BCKDHB: variants seen among roughly 807,000 people sequenced by gnomAD.
The protein encoded by BCKDHB is 2-oxoisovalerate dehydrogenase subunit beta, mitochondrial.
A neutral mutation model predicts 48.5 loss-of-function variants in BCKDHB; 41 were observed. The observed-to-expected ratio is 0.85, with a 90% CI of 0.66 to 1.10. The LOEUF is 1.10. Ranked by LOEUF, BCKDHB falls within the 50% of genes least tolerant of loss-of-function variation. The pLI is 0.00. For synonymous variants in BCKDHB, 201 were observed against 174.8 expected, an observed-to-expected ratio of 1.15 and a Z score of -1.18; for missense variants, 496 against 494.2, an observed-to-expected ratio of 1.00 and a Z score of -0.03.
Position 80,168,966 on chromosome 6 carries a change from G to C in BCKDHB, c.569G>C (p.Gly190Ala), listed in dbSNP as rs1330158702. Residue 190 changes from glycine to alanine, a missense_variant, in exon 5 of 10, where the codon GGT becomes GCT. By Grantham distance (60) the Gly-to-Ala change is moderately conservative. Transcript: ENST00000320393. ...ATCCGGTCCCCTTGGGGCTGTGTTGGTCATGGGGCTCTCTATCATTCTCAG... is the reference window on the plus strand; with the variant it reads ...ATCCGGTCCCCTTGGGGCTGTGTTGCTCATGGGGCTCTCTATCATTCTCAG... ...LTIRSPWGCV[G>A]HGALYHSQSP... The C allele has an allele frequency of 6.2e-7, 1 of 1,614,180 alleles. No homozygotes were observed.
chr6:80,317,775 G>A (rs1442437359), intron 9 of BCKDHB, among the ~76,000 whole-genome samples: 2 of 152,132 alleles, frequency 1.3e-5, no homozygotes, highest in East Asian at 3.8e-4. Flanking sequence ...TGACTTGAAG[G>A]AACCTAGCCA....
chr6:80,392,102 C>T, the BCKDHB span, among the ~76,000 whole-genome samples: 1 of 152,088 alleles, frequency 6.6e-6, no homozygotes, highest in Non-Finnish European at 1.5e-5. Flanking sequence ...AAGCAATTAT[C>T]CTGCCTCAGC....
the BCKDHB span, among the ~76,000 whole-genome samples, chr6:80,390,262 G>A: frequency 0.95 from 143,905 of 152,190 alleles, 68,571 homozygotes; most frequent in East Asian, 1. Flanking sequence ...ACAACAGCCC[G>A]ATCCAGGCAG....
At chr6:80,434,386 A>G in the BCKDHB span, among the ~76,000 whole-genome samples, 4 of 151,752 alleles carry the variant, frequency 2.6e-5, no homozygotes, top group Admixed American at 1.3e-4. Context: ...TATTATTTTA[A>G]TAATACTCAT....
chr6:80,240,275 A>G (rs985090803), intron 8 of BCKDHB, among the ~76,000 whole-genome samples: 1 of 152,128 alleles, frequency 6.6e-6, no homozygotes, highest in Non-Finnish European at 1.5e-5. Context: ...CCTCCTATCC[A>G]TGAGCATGGA....
the BCKDHB span, among the ~76,000 whole-genome samples, chr6:80,399,055 C>A: frequency 6.6e-6 from 1 of 152,088 alleles, no homozygotes; most frequent in African/African-American, 2.4e-5. Flanking sequence ...AAATTCAACA[C>A]CTCATCCTGT....
chr6:80,383,185 G>T, the BCKDHB span, among the ~76,000 whole-genome samples: 8 of 152,164 alleles, frequency 5.3e-5, no homozygotes, highest in Non-Finnish European at 7.4e-5. Flanking sequence ...TTTACTTAGG[G>T]TTGCATATCT....
At chr6:80,220,026 C>G (rs1775341980) in intron 8 of BCKDHB, among the ~76,000 whole-genome samples, 1 of 152,002 alleles carries the variant, frequency 6.6e-6, no homozygotes, top group Non-Finnish European at 1.5e-5. Flanking sequence ...TGTTTTGCCT[C>G]TCATGACTTT....
intron 9 of BCKDHB, among the ~76,000 whole-genome samples, chr6:80,325,197 ATTAAC>A (rs941491876): frequency 1.2e-4 from 19 of 152,230 alleles, no homozygotes; most frequent in Admixed American, 1.0e-3. Context: ...AACATGGTTT[ATTAAC>A]TTAAACACTG....
chr6:80,224,598 G>A (rs1210477780), intron 8 of BCKDHB, among the ~76,000 whole-genome samples: 1 of 152,070 alleles, frequency 6.6e-6, no homozygotes, highest in Non-Finnish European at 1.5e-5. Context: ...CTTTCGCCAT[G>A]TTGCCTAGGC....
chr6:80,194,394 A>C lies in BCKDHB; in HGVS notation c.743-6540A>C, dbSNP rs187558837. On this transcript the variant is annotated intron_variant, in intron 6 of 9. Coordinates refer to ENST00000320393, the MANE Select transcript of BCKDHB (RefSeq NM_183050.4). ...ATACCAGGACATTAGCATGGATACA[A>C]TACTATTAACTGCTCTGTTCACTTA... Among the ~76,000 whole-genome samples, 413 of 152,310 alleles carry C rather than the reference A, an allele frequency of 2.7e-3. 2 individuals are homozygous for C. Among genetic ancestry groups the C allele is most frequent in the African/African-American group, 9.2e-3 (382 of 41,568 alleles).
chr6:80,450,588 A>C, the BCKDHB span, among the ~76,000 whole-genome samples: 3 of 152,216 alleles, frequency 2.0e-5, no homozygotes, highest in Non-Finnish European at 4.4e-5. Context: ...CACTCCCGTA[A>C]TTTGGGTTAA....
the BCKDHB span, among the ~76,000 whole-genome samples, chr6:80,387,905 G>C: frequency 1.3e-5 from 2 of 152,224 alleles, no homozygotes; most frequent in Admixed American, 1.3e-4. Flanking sequence ...GGACTTATTG[G>C]TGAGACATTT....
chr6:80,165,038 A>T (rs1772503563), intron 3 of BCKDHB, among the ~76,000 whole-genome samples: 1 of 152,314 alleles, frequency 6.6e-6, no homozygotes, highest in South Asian at 2.1e-4. Context: ...GTTTTGGGGT[A>T]AGAGAGTTCT....
chr6:80,253,444 C>T (rs909493471), intron 8 of BCKDHB, among the ~76,000 whole-genome samples: 2 of 152,122 alleles, frequency 1.3e-5, no homozygotes, highest in African/African-American at 4.8e-5. Flanking sequence ...AATCATGCGT[C>T]GGGCTTTCTG....
the BCKDHB span, among the ~76,000 whole-genome samples, chr6:80,391,778 G>C: frequency 0.024 from 3,612 of 152,168 alleles, 134 homozygotes; most frequent in African/African-American, 0.083. Flanking sequence ...AAATTGGCAA[G>C]GCATAAAATT....
intron 9 of BCKDHB, among the ~76,000 whole-genome samples, chr6:80,299,402 T>G (rs1767433524): frequency 6.6e-6 from 1 of 152,128 alleles, no homozygotes. Flanking sequence ...AGTTAGCCTT[T>G]GGTTCGGGGG....
intron 3 of BCKDHB, among the ~76,000 whole-genome samples, chr6:80,135,108 TA>T (rs912360721): frequency 1.1e-4 from 17 of 152,118 alleles, no homozygotes; most frequent in African/African-American, 3.6e-4. Flanking sequence ...TGCTCTCTTA[TA>T]TATTTTTTGT....
intron 1 of BCKDHB, among the ~76,000 whole-genome samples, chr6:80,118,794 T>C (rs1271091677): frequency 2.0e-5 from 3 of 152,048 alleles, no homozygotes; most frequent in Admixed American, 2.0e-4. Flanking sequence ...TTTGAATTCA[T>C]AGAAAGTAAT....
Sources: gnomAD v4.1 joint callset for allele counts (sites outside exome capture counted in the v4.1 genomes callset) on GRCh38, gnomAD v4.1.1 for gene constraint, MANE v1.5 for transcripts, NCBI Gene and HGNC (gene_info 2026-07-23, HGNC 2026-07-21) for gene names.